The following ERBB4 variants were observed in gnomAD, a reference collection of about 807,000 sequenced individuals.
ERBB4 encodes the protein erb-b2 receptor tyrosine kinase 4.
A neutral mutation model predicts 158.0 loss-of-function variants in ERBB4; 42 were observed. That is an observed-to-expected ratio of 0.27 (90% CI 0.21 to 0.34). The LOEUF (loss-of-function observed/expected upper bound fraction) is 0.34, where lower values mean the gene tolerates loss of function less well. ERBB4 is among the 10% of genes least tolerant of loss of function. ERBB4 has a pLI of 1.00. For synonymous variants in ERBB4, 583 were observed against 558.7 expected (o/e 1.04, Z -0.61); for missense variants, 1,333 against 1,624.1 (o/e 0.82, Z 3.08).
At chr2:212,126,752 C>G (rs1005858795) in intron 1 of ERBB4, among the ~76,000 whole-genome samples, 1 of 152,040 alleles carries the variant, frequency 6.6e-6, no homozygotes, top group Non-Finnish European at 1.5e-5. Context: ...ACATTCATGT[C>G]TTATATACAC....
At chr2:212,351,616 A>G (rs927841558) in intron 1 of ERBB4, among the ~76,000 whole-genome samples, 1 of 152,142 alleles carries the variant, frequency 6.6e-6, no homozygotes, top group African/African-American at 2.4e-5. Context: ...AATTCAGGTT[A>G]ATTAAAATTA....
At chr2:211,559,412 G>C (rs772360547) in intron 20 of ERBB4, among the ~76,000 whole-genome samples, 8 of 152,098 alleles carry the variant, frequency 5.3e-5, no homozygotes, top group Non-Finnish European at 8.8e-5. Flanking sequence ...TTGCTATACT[G>C]GGTAACCATA....
chr2:211,568,668 G>A (rs2067624250), intron 19 of ERBB4, among the ~76,000 whole-genome samples: 1 of 152,090 alleles, frequency 6.6e-6, no homozygotes, highest in Non-Finnish European at 1.5e-5. Flanking sequence ...ATCAGAGATA[G>A]GGAAGATTAA....
At chr2:212,345,237 G>A (rs2088931614) in intron 1 of ERBB4, among the ~76,000 whole-genome samples, 1 of 85,004 alleles carries the variant, frequency 1.2e-5, no homozygotes, top group South Asian at 3.4e-4. Flanking sequence ...CTGCCCTCCA[G>A]CCTGGGGGAC....
intron 1 of ERBB4, among the ~76,000 whole-genome samples, chr2:212,483,679 A>ACCCAT (rs2106169986): frequency 6.7e-6 from 1 of 149,522 alleles, no homozygotes; most frequent in South Asian, 2.1e-4. Context: ...AAGAAGCCTC[A>ACCCAT]CCCATTGACT....
intron 1 of ERBB4, among the ~76,000 whole-genome samples, chr2:212,214,522 T>G (rs2083036548): frequency 6.6e-6 from 1 of 151,742 alleles, no homozygotes; most frequent in Admixed American, 6.6e-5. Flanking sequence ...GAGTGCTATA[T>G]TTCATTAATA....
intron 1 of ERBB4, among the ~76,000 whole-genome samples, chr2:212,156,206 T>C (rs1038629340): frequency 6.6e-6 from 1 of 152,020 alleles, no homozygotes; most frequent in Non-Finnish European, 1.5e-5. Flanking sequence ...AAAGGACATA[T>C]ATGTGGGAGC....
At chr2:211,628,155 T>G (rs1001526828) in intron 17 of ERBB4, among the ~76,000 whole-genome samples, 21 of 88,310 alleles carry the variant, frequency 2.4e-4, no homozygotes, top group Non-Finnish European at 4.4e-4. Context: ...AATCTGCCAC[T>G]GAGATATTCT....
chr2:212,181,456 C>G (rs192348553), intron 1 of ERBB4, among the ~76,000 whole-genome samples: 24 of 151,600 alleles, frequency 1.6e-4, no homozygotes, highest in Admixed American at 1.4e-3. Flanking sequence ...TTATCACTTA[C>G]TCTTGAAAAC....
At chr2:211,669,216 C>CAAAAAAAAAAAAAAAAAAAAAAAAAAA (rs71054124) in intron 14 of ERBB4, among the ~76,000 whole-genome samples, 1 of 56,106 alleles carries the variant, frequency 1.8e-5, no homozygotes, top group Non-Finnish European at 3.5e-5. Flanking sequence ...GAGTGAGTCT[C>CAAAAAAAAAAAAAAAAAAAAAAAAAAA]AAAAAAAAAA....
chr2:212,293,951 G>A (rs558177853), intron 1 of ERBB4, among the ~76,000 whole-genome samples: 1 of 151,006 alleles, frequency 6.6e-6, no homozygotes, highest in East Asian at 2.0e-4. Context: ...TCTCTCCAGA[G>A]AGAGTCAACG....
intron 3 of ERBB4, among the ~76,000 whole-genome samples, chr2:211,798,272 TTTC>T (rs1283400817): frequency 6.6e-6 from 1 of 152,130 alleles, no homozygotes; most frequent in East Asian, 1.9e-4. Flanking sequence ...CTTATTCCTT[TTTC>T]TTATCTTCTT....
intron 1 of ERBB4, among the ~76,000 whole-genome samples, chr2:212,141,356 T>C (rs2080469838): frequency 6.6e-6 from 1 of 151,930 alleles, no homozygotes; most frequent in East Asian, 1.9e-4. Context: ...GCTCCCTGGT[T>C]CCCTCCATTT....
intron 2 of ERBB4, among the ~76,000 whole-genome samples, chr2:212,016,078 C>A (rs2076522864): frequency 6.7e-6 from 1 of 149,632 alleles, no homozygotes; most frequent in Admixed American, 6.6e-5. Context: ...ATGTATTAGA[C>A]AAAACACAAT....
intron 1 of ERBB4, among the ~76,000 whole-genome samples, chr2:212,468,485 T>C (rs761460023): frequency 6.6e-6 from 1 of 152,146 alleles, no homozygotes; most frequent in East Asian, 1.9e-4. Flanking sequence ...AGCTCTCTCT[T>C]AGCCTGCCGC....
In ERBB4 at chr2:212,101,709, G is replaced by C. The variant is rs561883221; in HGVS notation, c.234+23043C>G. The stretch of plus-strand genomic sequence containing the variant: ...TAAAAGCACCCTAAACATTGTTCAA[G>C]GCCAAGATTTCTCACTTCTTTCATT... On this transcript the variant is annotated intron_variant, in intron 2 of 27. Coordinates refer to ENST00000342788, the MANE Select transcript of ERBB4 (RefSeq NM_005235.3). Among the ~76,000 whole-genome samples, 646 of 151,884 alleles carry C rather than the reference G, an allele frequency of 4.3e-3. 1 individual carries two copies. Among genetic ancestry groups the C allele is most frequent in the Middle Eastern group, 0.017 (5 of 290 alleles).
intron 2 of ERBB4, among the ~76,000 whole-genome samples, chr2:211,987,369 A>G (rs1212164588): frequency 6.7e-6 from 1 of 149,254 alleles, no homozygotes; most frequent in African/African-American, 2.5e-5. Context: ...ACCCATGATT[A>G]TTTTATTTTA....
At chr2:212,357,519 G>T (rs1443341050) in intron 1 of ERBB4, among the ~76,000 whole-genome samples, 1 of 151,602 alleles carries the variant, frequency 6.6e-6, no homozygotes, top group Non-Finnish European at 1.5e-5. Context: ...ATAAAAATAA[G>T]CTTGTTTTAT....
chr2:212,469,185 C>G (rs1447567248), intron 1 of ERBB4, among the ~76,000 whole-genome samples: 1 of 152,108 alleles, frequency 6.6e-6, no homozygotes, highest in Non-Finnish European at 1.5e-5. Context: ...TACTAAACAT[C>G]TGAATAATCT....
Sources: allele counts gnomAD v4.1 joint callset (sites outside exome capture counted in the v4.1 genomes callset), GRCh38; gene constraint gnomAD v4.1.1; transcripts MANE v1.5; gene names NCBI Gene and HGNC (gene_info 2026-07-23, HGNC 2026-07-21).